The following ZC3H18 variants were observed in gnomAD, a reference collection of about 807,000 sequenced individuals.
The protein encoded by ZC3H18 is zinc finger CCCH domain-containing protein 18.
ZC3H18 carries 8 observed loss-of-function variants against 106.1 expected under a neutral mutation model. The observed-to-expected ratio is 0.08, with a 90% CI of 0.04 to 0.14. ZC3H18 has a LOEUF of 0.14. ZC3H18 is among the 10% of genes least tolerant of loss of function. The probability of loss-of-function intolerance (pLI) is 1.00; values close to 1 mark genes in which losing one functional copy is unlikely to be tolerated. For missense variants in ZC3H18, 1,318 were observed against 1,278.4 expected, an observed-to-expected ratio of 1.03 and a Z score of -0.47; for synonymous variants, 635 against 522.1, an observed-to-expected ratio of 1.22 and a Z score of -2.95.
chr16:88,617,198 C>CTG (rs1370550499), intron 8 of ZC3H18, among the ~76,000 whole-genome samples: 1 of 152,194 alleles, frequency 6.6e-6, no homozygotes, highest in Non-Finnish European at 1.5e-5. Context: ...ACTGCCTAAG[C>CTG]TGTTTGGCTC....
chr16:88,571,612 A>G, intron 1 of ZC3H18: 2 of 985,436 alleles, frequency 2.0e-6, no homozygotes, highest in Non-Finnish European at 2.4e-6. Context: ...CTCCCGTTGT[A>G]GGTGGGACAT....
intron 9 of ZC3H18, 74 bp from the exon 10 acceptor site, chr16:88,623,123 GTCTGTGGGTGTGTAGCTGTGCA>G: frequency 2.0e-6 from 3 of 1,510,128 alleles, no homozygotes; most frequent in Non-Finnish European, 2.7e-6. Flanking sequence ...GTAGCTGTGC[GTCTGTGGGTGTGTAGCTGTGCA>G]TGTGTGCGTC....
intron 6 of ZC3H18, among the ~76,000 whole-genome samples, chr16:88,600,595 G>A (rs1904696972): frequency 6.6e-6 from 1 of 152,176 alleles, no homozygotes; most frequent in Non-Finnish European, 1.5e-5. Context: ...TGTGTTTTTA[G>A]TAGAGATGGA....
Position 88,631,093 on chromosome 16 carries a change from C to G in ZC3H18, c.2664-8C>G. On this transcript the variant is annotated splice_polypyrimidine_tract_variant and splice_region_variant and intron_variant, in intron 17 of 17. Transcript: ENST00000301011. The stretch of plus-strand genomic sequence containing the variant: ...TGGGGGCTCAAGGTCTTCCCCACCC[C>G]CTTGTAGGAAGCGCCAGCTGTCACC... 2 of 1,611,418 alleles carry G rather than the reference C, an allele frequency of 1.2e-6. No homozygotes were observed. Among genetic ancestry groups the G allele is most frequent in the Non-Finnish European group, 1.7e-6 (2 of 1,179,986 alleles).
In ZC3H18 at chr16:88,586,608, C is replaced by T. The variant is rs1915450256; in HGVS notation, c.612C>T (p.Asp204=). 1 of 1,614,124 alleles carries T rather than the reference C, an allele frequency of 6.2e-7. No homozygotes were observed. The highest frequency in any genetic ancestry group is 8.5e-7 in the Non-Finnish European group (1 of 1,179,982). The change falls in exon 3 of 18, where the codon GAC becomes GAT. Residue 204 remains aspartate (D), a synonymous_variant. Transcript: ENST00000301011. The stretch of plus-strand genomic sequence containing the variant: ...GGTGTTCTCTGTTTCAGGATGATGA[C>T]CTGGAAGAAGGTGAAGTGAAGGACC... ...EIDDGEIDDD[D]LEEGEVKDPS... is the part of the protein sequence containing the mutation.
chr16:88,616,215 G>T (rs1181096228), intron 8 of ZC3H18, among the ~76,000 whole-genome samples: 1 of 152,230 alleles, frequency 6.6e-6, no homozygotes, highest in African/African-American at 2.4e-5. Context: ...CACAGCTAGG[G>T]TTCAGGAAAC....
chr16:88,608,009 CTG>C (rs1159540504), intron 6 of ZC3H18, among the ~76,000 whole-genome samples: 43 of 152,230 alleles, frequency 2.8e-4, no homozygotes, highest in African/African-American at 9.2e-4. Flanking sequence ...TGGTTATAAT[CTG>C]TGTCTGTGAA....
chr16:88,594,481 C>T (rs368658349), intron 3 of ZC3H18, among the ~76,000 whole-genome samples: 2 of 152,196 alleles, frequency 1.3e-5, no homozygotes, highest in South Asian at 2.1e-4. Context: ...CCTGCCACCT[C>T]TGTGTTTAGT....
chr16:88,594,783 A>G (rs185693963), intron 3 of ZC3H18, among the ~76,000 whole-genome samples: 1 of 152,322 alleles, frequency 6.6e-6, no homozygotes, highest in African/African-American at 2.4e-5. Context: ...ATTTACAAGT[A>G]TTTCATTTGA....
chr16:88,622,945 TCAGG>T (rs1373341866), intron 9 of ZC3H18: 3 of 477,318 alleles, frequency 6.3e-6, no homozygotes, highest in Non-Finnish European at 1.1e-5. Flanking sequence ...GTCTGCCCAC[TCAGG>T]CAGCGCCACC....
chr16:88,593,367 C>G (rs1390539067), intron 3 of ZC3H18, among the ~76,000 whole-genome samples: 1 of 152,202 alleles, frequency 6.6e-6, no homozygotes, highest in Non-Finnish European at 1.5e-5. Flanking sequence ...CAGCTTGCAT[C>G]TGCTGGACAA....
At chr16:88,630,675 G>T (rs1906608462) in intron 17 of ZC3H18, 94 bp downstream of exon 17, 1 of 1,150,316 alleles carries the variant, frequency 8.7e-7, no homozygotes, top group Non-Finnish European at 1.2e-6. Flanking sequence ...CTAGCACTGG[G>T]CCAGGCTGGA....
chr16:88,586,750 T>C, intron 3 of ZC3H18, 66 bp downstream of exon 3: 1 of 1,282,858 alleles, frequency 7.8e-7, no homozygotes, highest in Non-Finnish European at 1.1e-6. Context: ...GCTGTGGTGC[T>C]GGCTCACCTT....
chr16:88,628,588 C>T (rs1032355478), intron 15 of ZC3H18, 170 bp from the exon 16 acceptor site: 1 of 666,110 alleles, frequency 1.5e-6, no homozygotes, highest in Non-Finnish European at 2.6e-6. Flanking sequence ...TGGGGGTGCC[C>T]TTGGTCCGGG....
intron 2 of ZC3H18, among the ~76,000 whole-genome samples, chr16:88,580,206 GTGTA>G (rs58923581): frequency 0.29 from 17,543 of 60,992 alleles, 1,256 homozygotes; most frequent in Admixed American, 0.41. Flanking sequence ...GTGTGTGTGT[GTGTA>G]TATGTATATG....
chr16:88,603,512 A>G (rs1211636147), intron 6 of ZC3H18, among the ~76,000 whole-genome samples: 3 of 151,264 alleles, frequency 2.0e-5, no homozygotes, highest in East Asian at 2.1e-4. Flanking sequence ...AATCCCAGCT[A>G]CTTGGGAGGC....
intron 7 of ZC3H18, among the ~76,000 whole-genome samples, chr16:88,609,440 C>A (rs1292014067): frequency 6.6e-6 from 1 of 151,318 alleles, no homozygotes; most frequent in Non-Finnish European, 1.5e-5. Context: ...TGGGACCACA[C>A]GCATGCACCA....
chr16:88,624,631 C>G lies in ZC3H18; in HGVS notation c.1928C>G (p.Pro643Arg). ...GEKSVKKPAP[P>R]PAPPQATKTT... ...AAGTCAGTGAAGAAGCCGGCCCCGC[C>G]TCCAGCCCCACCACAGGCCACCAAA... The change falls in exon 12 of 18, where the codon CCT (proline) becomes CGT (arginine). Residue 643 changes from proline (P) to arginine (R), a missense_variant. Physicochemically the swap from Pro to Arg is moderately radical, Grantham distance 103. Transcript: ENST00000301011. The G allele has an allele frequency of 6.2e-7, 1 of 1,613,978 alleles. No individual in the cohort carries two copies. Among genetic ancestry groups the G allele is most frequent in the Non-Finnish European group, 8.5e-7 (1 of 1,180,002 alleles).
chr16:88,623,763 C>T (rs1460233627), intron 10 of ZC3H18, 195 bp from the exon 11 acceptor site: 6 of 1,049,612 alleles, frequency 5.7e-6, no homozygotes, highest in Non-Finnish European at 7.9e-6. Flanking sequence ...GATGCTGACA[C>T]CTTCCACGCT....
Sources: allele counts gnomAD v4.1 joint callset (sites outside exome capture counted in the v4.1 genomes callset), GRCh38; gene constraint gnomAD v4.1.1; transcripts MANE v1.5; gene names NCBI Gene and HGNC (gene_info 2026-07-23, HGNC 2026-07-21).